Variants in ADGRB3 observed in about 807,000 individuals in gnomAD.
ADGRB3 encodes brain-specific angiogenesis inhibitor 3.
In ADGRB3, 37 loss-of-function variants were observed where a neutral mutation model predicts 193.4. The ratio of observed to expected loss-of-function variants is 0.19; its 90% CI spans 0.15 to 0.25. The LOEUF is 0.25. Among genes scored for constraint, ADGRB3 ranks in the 10% least tolerant of loss-of-function variants. The pLI is 1.00. For missense variants in ADGRB3, 1,637 were observed against 1,852.9 expected (o/e 0.88, Z 2.14); for synonymous variants, 690 against 644.2 (o/e 1.07, Z -1.08).
At chr6:69,085,726 A>ATTT (rs1772529121) in intron 17 of ADGRB3, among the ~76,000 whole-genome samples, 1 of 152,056 alleles carries the variant, frequency 6.6e-6, no homozygotes, top group South Asian at 2.1e-4. Context: ...TTCCTCAGTA[A>ATTT]TTAAAGGTAC....
At chr6:68,679,419 C>T (rs1193300506) in intron 3 of ADGRB3, among the ~76,000 whole-genome samples, 1 of 152,128 alleles carries the variant, frequency 6.6e-6, no homozygotes, top group Non-Finnish European at 1.5e-5. Flanking sequence ...AGAAGGCACA[C>T]TGGCTCATTT....
At chr6:68,641,737 C>G (rs1434241337) in intron 3 of ADGRB3, among the ~76,000 whole-genome samples, 1 of 152,006 alleles carries the variant, frequency 6.6e-6, no homozygotes, top group Non-Finnish European at 1.5e-5. Context: ...CCACTCTTTA[C>G]CCCAGTTAAA....
At chr6:68,851,136 C>T (rs535401404) in intron 3 of ADGRB3, among the ~76,000 whole-genome samples, 2 of 151,856 alleles carry the variant, frequency 1.3e-5, no homozygotes, top group Non-Finnish European at 2.9e-5. Context: ...ACATGGGTAA[C>T]GTGTTTAGCC....
chr6:69,048,517 A>G (rs1004331843), intron 14 of ADGRB3, among the ~76,000 whole-genome samples, 183 bp downstream of exon 14: 1 of 152,162 alleles, frequency 6.6e-6, no homozygotes, highest in African/African-American at 2.4e-5. Context: ...AATTTACTGA[A>G]GAAAACAGTC....
intron 6 of ADGRB3, among the ~76,000 whole-genome samples, chr6:68,947,213 A>G (rs1258557647): frequency 6.6e-6 from 1 of 151,954 alleles, no homozygotes; most frequent in East Asian, 1.9e-4. Flanking sequence ...TAATTAAAAT[A>G]TTATGGAAAG....
intron 20 of ADGRB3, among the ~76,000 whole-genome samples, chr6:69,310,030 T>C (rs758070690): frequency 1.0e-3 from 155 of 151,700 alleles, no homozygotes; most frequent in Non-Finnish European, 6.3e-4. Context: ...ACAACTTTTA[T>C]GTTTGTGGGT....
chr6:69,313,718 C>T (rs1401291213), intron 20 of ADGRB3, among the ~76,000 whole-genome samples: 1 of 151,710 alleles, frequency 6.6e-6, no homozygotes, highest in East Asian at 1.9e-4. Flanking sequence ...TTCTATCTTA[C>T]AGTTTACAAC....
chr6:69,340,482 T>C (rs1768950990), intron 26 of ADGRB3, among the ~76,000 whole-genome samples: 1 of 152,160 alleles, frequency 6.6e-6, no homozygotes, highest in Admixed American at 6.6e-5. Flanking sequence ...GAGAACTTTA[T>C]TGCAATGTGC....
intron 3 of ADGRB3, among the ~76,000 whole-genome samples, chr6:68,739,783 G>T (rs553371595): frequency 6.6e-6 from 1 of 152,216 alleles, no homozygotes; most frequent in African/African-American, 2.4e-5. Context: ...CAAATTGTAG[G>T]TTAATTATGA....
intron 13 of ADGRB3, among the ~76,000 whole-genome samples, chr6:69,036,702 G>T (rs1582411372): frequency 6.6e-6 from 1 of 152,124 alleles, no homozygotes. Flanking sequence ...TACAAGGAAA[G>T]AATGTTCTAG....
chr6:68,725,457 A>G (rs1261574183), intron 3 of ADGRB3, among the ~76,000 whole-genome samples: 1 of 151,702 alleles, frequency 6.6e-6, no homozygotes, highest in Non-Finnish European at 1.5e-5. Context: ...GAAATAAGCC[A>G]GAAGATGATA....
intron 13 of ADGRB3, among the ~76,000 whole-genome samples, chr6:69,026,858 G>A (rs1770446006): frequency 6.6e-6 from 1 of 152,108 alleles, no homozygotes; most frequent in South Asian, 2.1e-4. Context: ...TGGTACACCC[G>A]CATAGAGCAC....
intron 17 of ADGRB3, among the ~76,000 whole-genome samples, chr6:69,091,501 G>C (rs891440880): frequency 6.6e-6 from 1 of 152,150 alleles, no homozygotes; most frequent in Non-Finnish European, 1.5e-5. Flanking sequence ...GACATGGATG[G>C]AGCTGGAGGC....
intron 13 of ADGRB3, among the ~76,000 whole-genome samples, chr6:69,042,647 T>C (rs550017784): frequency 3.3e-5 from 5 of 152,300 alleles, no homozygotes; most frequent in African/African-American, 4.8e-5. Flanking sequence ...CAATGCATCG[T>C]TCTCTCCTGA....
intron 30 of ADGRB3, among the ~76,000 whole-genome samples, chr6:69,382,258 T>C (rs972163050): frequency 6.6e-6 from 1 of 151,804 alleles, no homozygotes; most frequent in Non-Finnish European, 1.5e-5. Flanking sequence ...GGTCAGATTT[T>C]CCCCCTAAGA....
intron 3 of ADGRB3, among the ~76,000 whole-genome samples, chr6:68,815,533 C>T (rs79880090): frequency 0.085 from 12,912 of 151,450 alleles, 764 homozygotes; most frequent in South Asian, 0.13. Context: ...TTTGATAATC[C>T]AGGTATACTT....
intron 3 of ADGRB3, among the ~76,000 whole-genome samples, chr6:68,668,277 G>T (rs994118733): frequency 3.3e-5 from 5 of 151,900 alleles, no homozygotes; most frequent in African/African-American, 1.2e-4. Flanking sequence ...TTCAAATCTT[G>T]TATAACAGTG....
chr6:69,061,513 A>G (rs1317006422), intron 15 of ADGRB3, among the ~76,000 whole-genome samples: 1 of 152,042 alleles, frequency 6.6e-6, no homozygotes, highest in Non-Finnish European at 1.5e-5. Context: ...TAATCAAGGA[A>G]TTCCACTCTC....
intron 3 of ADGRB3, among the ~76,000 whole-genome samples, chr6:68,835,584 A>T (rs1485612212): frequency 6.6e-6 from 1 of 151,890 alleles, no homozygotes; most frequent in Non-Finnish European, 1.5e-5. Flanking sequence ...TTTCATTTTT[A>T]CCCTGACTCT....
Sources: gnomAD v4.1 joint callset for allele counts (sites outside exome capture counted in the v4.1 genomes callset) on GRCh38, gnomAD v4.1.1 for gene constraint, MANE v1.5 for transcripts, NCBI Gene and HGNC (gene_info 2026-07-23, HGNC 2026-07-21) for gene names.